Variants in ETV6 observed in about 807,000 individuals in gnomAD.
ETV6 encodes the protein transcription factor ETV6.
ETV6 carries 16 observed loss-of-function variants against 51.1 expected under a neutral mutation model. That is an observed-to-expected ratio of 0.31 (90% CI 0.21 to 0.48). The LOEUF is 0.48. Ranked by LOEUF, ETV6 falls within the 20% of genes least tolerant of loss-of-function variation. The pLI, the probability that ETV6 is intolerant of heterozygous loss-of-function variation, is 0.99. For missense variants in ETV6, 458 were observed against 594.8 expected (o/e 0.77, Z 2.39); for synonymous variants, 240 against 224.1 (o/e 1.07, Z -0.64).
chr12:11,737,986 G>A (rs568569537), intron 1 of ETV6, among the ~76,000 whole-genome samples: 5 of 152,196 alleles, frequency 3.3e-5, no homozygotes, highest in African/African-American at 9.6e-5. Context: ...AGCCAATAAC[G>A]ATGGCTAGAA....
intron 1 of ETV6, among the ~76,000 whole-genome samples, chr12:11,673,749 G>A (rs1162468353): frequency 1.3e-5 from 2 of 152,026 alleles, no homozygotes; most frequent in African/African-American, 4.8e-5. Flanking sequence ...TGTCTTCTTG[G>A]GTAATGATCC....
chr12:11,830,355 G>A (rs892063913), intron 2 of ETV6, among the ~76,000 whole-genome samples: 1 of 152,196 alleles, frequency 6.6e-6, no homozygotes, highest in African/African-American at 2.4e-5. Flanking sequence ...AAGTTCACTG[G>A]GTAATACAGA....
At chr12:11,753,663 T>C (rs1027905916) in intron 2 of ETV6, among the ~76,000 whole-genome samples, 2 of 152,208 alleles carry the variant, frequency 1.3e-5, no homozygotes, top group Non-Finnish European at 2.9e-5. Context: ...ATGCAGGTTC[T>C]TCCTTTCTCT....
chr12:11,827,413 A>G (rs1946174063), intron 2 of ETV6, among the ~76,000 whole-genome samples: 1 of 152,080 alleles, frequency 6.6e-6, no homozygotes, highest in Non-Finnish European at 1.5e-5. Flanking sequence ...AAAAAACAGC[A>G]TGTTCTAGAA....
intron 1 of ETV6, among the ~76,000 whole-genome samples, chr12:11,653,719 A>G (rs1322411382): frequency 2.0e-5 from 3 of 151,890 alleles, no homozygotes; most frequent in Non-Finnish European, 4.4e-5. Flanking sequence ...TGCAGAAAGC[A>G]CTCAATAGGG....
intron 4 of ETV6, among the ~76,000 whole-genome samples, chr12:11,855,560 G>A (rs1276201118): frequency 6.6e-6 from 1 of 152,192 alleles, no homozygotes; most frequent in African/African-American, 2.4e-5. Context: ...CCCAAGAGCA[G>A]GGCTAACAAT....
chr12:11,889,525 T>G (rs2239175), intron 7 of ETV6, among the ~76,000 whole-genome samples: 40,527 of 152,092 alleles, frequency 0.27, 6,130 homozygotes, highest in East Asian at 0.42. Context: ...GTTGAAATCA[T>G]GGACTAGTGC....
At chr12:11,826,683 G>C (rs185984576) in intron 2 of ETV6, 2 of 152,264 alleles carry the variant, frequency 1.3e-5, no homozygotes, top group East Asian at 3.9e-4. Context: ...TCATCCAAAC[G>C]AATGAATAAT....
intron 2 of ETV6, among the ~76,000 whole-genome samples, chr12:11,836,696 T>G (rs1362227197): frequency 6.6e-6 from 1 of 151,758 alleles, no homozygotes; most frequent in Non-Finnish European, 1.5e-5. Context: ...CCCCACCCCC[T>G]TCTCACCCAC....
intron 2 of ETV6, among the ~76,000 whole-genome samples, chr12:11,767,172 C>T (rs772283492): frequency 6.6e-6 from 1 of 152,208 alleles, no homozygotes; most frequent in Non-Finnish European, 1.5e-5. Flanking sequence ...CCAGCTCTAA[C>T]AATATACAAC....
At chr12:11,702,377 G>C (rs1021098062) in intron 1 of ETV6, among the ~76,000 whole-genome samples, 3 of 152,116 alleles carry the variant, frequency 2.0e-5, no homozygotes, top group African/African-American at 7.2e-5. Flanking sequence ...ACCCATAGTG[G>C]CAAGAATGAA....
chr12:11,887,415 G>C (rs1947210802), intron 7 of ETV6, among the ~76,000 whole-genome samples: 1 of 152,060 alleles, frequency 6.6e-6, no homozygotes, highest in African/African-American at 2.4e-5. Flanking sequence ...AAGTATTTCA[G>C]ACATGACATC....
intron 2 of ETV6, among the ~76,000 whole-genome samples, chr12:11,804,809 G>C (rs1376874065): frequency 1.3e-5 from 2 of 152,130 alleles, no homozygotes; most frequent in Non-Finnish European, 2.9e-5. Flanking sequence ...GATGCCAGTG[G>C]GTCCACCTGT....
intron 2 of ETV6, among the ~76,000 whole-genome samples, chr12:11,774,309 CA>C (rs1945287136): frequency 6.6e-6 from 1 of 152,282 alleles, no homozygotes; most frequent in African/African-American, 2.4e-5. Flanking sequence ...ACAACAGCCC[CA>C]CCACCTAGGG....
At chr12:11,754,967 C>T in intron 2 of ETV6, among the ~76,000 whole-genome samples, 1 of 152,208 alleles carries the variant, frequency 6.6e-6, no homozygotes, top group East Asian at 1.9e-4. Flanking sequence ...TTTTCAAGGT[C>T]GATCACAGAA....
At chr12:11,714,857 C>T (rs1351641436) in intron 1 of ETV6, among the ~76,000 whole-genome samples, 1 of 151,918 alleles carries the variant, frequency 6.6e-6, no homozygotes, top group Non-Finnish European at 1.5e-5. Flanking sequence ...TTGGCAATCA[C>T]AAAGACGGTT....
intron 1 of ETV6, among the ~76,000 whole-genome samples, chr12:11,675,940 GAAAAT>G (rs1326703472): frequency 1.3e-5 from 2 of 152,084 alleles, no homozygotes; most frequent in Non-Finnish European, 2.9e-5. Flanking sequence ...AAGAAAGAAA[GAAAAT>G]AAAAGAAAGG....
intron 1 of ETV6, among the ~76,000 whole-genome samples, chr12:11,718,028 A>T (rs756529120): frequency 1.3e-5 from 2 of 152,230 alleles, no homozygotes; most frequent in Non-Finnish European, 1.5e-5. Context: ...ACCTTCTTCG[A>T]AACATGGGGG....
intron 1 of ETV6, among the ~76,000 whole-genome samples, chr12:11,684,088 A>T (rs556488350): frequency 6.6e-6 from 1 of 152,254 alleles, no homozygotes; most frequent in Non-Finnish European, 1.5e-5. Flanking sequence ...GAAAAAAGTG[A>T]TTCAAGGGAG....
Sources: gnomAD v4.1 joint callset for allele counts (sites outside exome capture counted in the v4.1 genomes callset) on GRCh38, gnomAD v4.1.1 for gene constraint, MANE v1.5 for transcripts, NCBI Gene and HGNC (gene_info 2026-07-23, HGNC 2026-07-21) for gene names.